MTMR10: variants seen among roughly 807,000 people sequenced by gnomAD.
The protein encoded by MTMR10 is myotubularin-related protein 10.
A neutral mutation model predicts 88.1 loss-of-function variants in MTMR10; 56 were observed. The ratio of observed to expected loss-of-function variants is 0.64; its 90% CI spans 0.51 to 0.79. MTMR10 has a LOEUF of 0.79. MTMR10 is among the 30% of genes least tolerant of loss of function. The pLI is 0.00. For missense variants in MTMR10, 883 were observed against 924.7 expected, an observed-to-expected ratio of 0.95 and a Z score of 0.58; for synonymous variants, 380 against 340.9, an observed-to-expected ratio of 1.11 and a Z score of -1.26.
chr15:30,930,467 G>A, the MTMR10 span: 232 of 1,506,244 alleles, frequency 1.5e-4, no homozygotes, highest in Admixed American at 2.3e-4. Context: ...GCTTTTCTCC[G>A]TCTCGTGATC....
At chr15:30,991,394 G>A (rs1212663048) in intron 1 of MTMR10, 53 bp downstream of exon 1, 4 of 1,411,706 alleles carry the variant, frequency 2.8e-6, no homozygotes, top group East Asian at 5.6e-5. Flanking sequence ...CGGCCTGGAG[G>A]CTCCACGGAA....
intron 12 of MTMR10, chr15:30,949,705 T>G (rs2063217032): frequency 6.6e-6 from 1 of 152,010 alleles, no homozygotes; most frequent in African/African-American, 2.4e-5. Context: ...AGCCACAAAG[T>G]GGAAACAACC....
intron 9 of MTMR10, among the ~76,000 whole-genome samples, chr15:30,956,706 A>G (rs1190723195): frequency 6.6e-6 from 1 of 152,372 alleles, no homozygotes; most frequent in Non-Finnish European, 1.5e-5. Context: ...ACTTATGAAG[A>G]ATAGGATAGC....
chr15:30,952,746 G>A (rs1487937248), intron 11 of MTMR10, among the ~76,000 whole-genome samples: 1 of 152,000 alleles, frequency 6.6e-6, no homozygotes, highest in African/African-American at 2.4e-5. Context: ...TTCCTCCCCA[G>A]AGCTTTGGAA....
At chr15:30,928,632 G>A in the MTMR10 span, 2 of 1,613,622 alleles carry the variant, frequency 1.2e-6, no homozygotes, top group African/African-American at 1.3e-5. Context: ...ATGGGATTCC[G>A]GATGTCTTCA....
chr15:30,957,209 G>C (rs980982233), intron 9 of MTMR10, among the ~76,000 whole-genome samples: 3 of 152,100 alleles, frequency 2.0e-5, no homozygotes, highest in African/African-American at 7.2e-5. Context: ...TGCTTCCTGG[G>C]TGCTAAATAT....
At chr15:30,984,584 AAC>A (rs539696345) in intron 2 of MTMR10, among the ~76,000 whole-genome samples, 147 of 152,358 alleles carry the variant, frequency 9.6e-4, no homozygotes, top group African/African-American at 3.4e-3. Flanking sequence ...AGAAAACAAG[AAC>A]AGTACGGGCC....
At chr15:30,958,817 C>T in intron 9 of MTMR10, 46 bp downstream of exon 9, 4 of 1,587,630 alleles carry the variant, frequency 2.5e-6, no homozygotes, top group Non-Finnish European at 2.6e-6. Context: ...TGTAGTTACA[C>T]AACAAGTAAA....
chr15:30,980,054 T>A (rs948352654), intron 2 of MTMR10, among the ~76,000 whole-genome samples: 4 of 152,238 alleles, frequency 2.6e-5, no homozygotes, highest in African/African-American at 9.6e-5. Flanking sequence ...TGCTGATCCC[T>A]GTGTTAGAGA....
chr15:30,943,137 T>TGA, intron 14 of MTMR10, 65 bp from the exon 15 acceptor site: 1 of 1,498,544 alleles, frequency 6.7e-7, no homozygotes. Flanking sequence ...TTTTTTCAGA[T>TGA]GAGCCACTCA....
intron 2 of MTMR10, among the ~76,000 whole-genome samples, chr15:30,984,051 G>C (rs141932203): frequency 4.1e-4 from 62 of 152,264 alleles, no homozygotes; most frequent in African/African-American, 1.4e-3. Flanking sequence ...CCTAAATAAG[G>C]AATAAGGCAT....
At chr15:30,987,122 C>CA (rs2030989869) in intron 2 of MTMR10, among the ~76,000 whole-genome samples, 1 of 152,228 alleles carries the variant, frequency 6.6e-6, no homozygotes, top group Admixed American at 6.5e-5. Flanking sequence ...ACTACTTTGA[C>CA]AGAGTACTCT....
intron 9 of MTMR10, among the ~76,000 whole-genome samples, chr15:30,955,478 G>T (rs1284240459): frequency 6.6e-6 from 1 of 152,096 alleles, no homozygotes; most frequent in African/African-American, 2.4e-5. Flanking sequence ...CACCATGTTG[G>T]CCAGGCTGGT....
chr15:30,984,400 T>G (rs1025563188), intron 2 of MTMR10, among the ~76,000 whole-genome samples: 2 of 152,202 alleles, frequency 1.3e-5, no homozygotes, highest in Admixed American at 1.3e-4. Flanking sequence ...GTGTTACAAG[T>G]CCTTTGGTCT....
In MTMR10 at chr15:30,941,041, C is replaced by A; in HGVS notation, c.*429G>T. On this transcript the variant is annotated 3_prime_UTR_variant, in exon 16 of 16. Transcript: ENST00000435680. ...ACGACAGAAAGTAACCAGAAAAATA[C>A]ATGAATACTTCCTAAAACCTGCTGG... 1 of 1,176,350 alleles carries A rather than the reference C, an allele frequency of 8.5e-7. No individual in the cohort carries two copies. Among genetic ancestry groups the A allele is most frequent in the South Asian group, 1.7e-5 (1 of 60,554 alleles). The allele number at this position is 1,176,350 out of a possible 1,614,324, so 72.9% of individuals were successfully genotyped here. A position where few individuals can be genotyped will look rare whatever the true frequency, so the allele number is the denominator to read the frequency against.
the MTMR10 span, chr15:30,930,515 G>C: frequency 6.4e-7 from 1 of 1,568,292 alleles, no homozygotes. Context: ...CGAGGGAAGT[G>C]GCTAACTGTC....
chr15:30,972,432 GC>G (rs1423576380), intron 5 of MTMR10, among the ~76,000 whole-genome samples: 1 of 151,958 alleles, frequency 6.6e-6, no homozygotes, highest in Non-Finnish European at 1.5e-5. Flanking sequence ...AGACTCACAT[GC>G]TTTTTATATT....
At chr15:30,925,127 A>C in the MTMR10 span, 2 of 1,611,500 alleles carry the variant, frequency 1.2e-6, no homozygotes, top group Non-Finnish European at 1.7e-6. Flanking sequence ...TCTCTGCCAG[A>C]CTATCAAGTG....
At chr15:30,919,504 A>G in the MTMR10 span, among the ~76,000 whole-genome samples, 9 of 152,010 alleles carry the variant, frequency 5.9e-5, no homozygotes, top group Non-Finnish European at 1.3e-4. Flanking sequence ...TAGCCTGGCC[A>G]ACATGGTGAA....
Sources: gnomAD v4.1 joint callset for allele counts (sites outside exome capture counted in the v4.1 genomes callset) on GRCh38, gnomAD v4.1.1 for gene constraint, MANE v1.5 for transcripts, NCBI Gene and HGNC (gene_info 2026-07-23, HGNC 2026-07-21) for gene names.